Variants in CAMK4 observed in about 807,000 individuals in gnomAD.
CAMK4 encodes calcium/calmodulin dependent protein kinase IV, also known as calcium/calmodulin-dependent protein kinase type IV.
A neutral mutation model predicts 44.9 loss-of-function variants in CAMK4; 22 were observed. The observed-to-expected ratio is 0.49, with a 90% CI of 0.35 to 0.70. The LOEUF is 0.70. CAMK4 is among the 30% of genes least tolerant of loss of function. CAMK4 has a pLI of 0.01. For synonymous variants in CAMK4, 218 were observed against 215.4 expected, an observed-to-expected ratio of 1.01 and a Z score of -0.11; for missense variants, 498 against 586.8, an observed-to-expected ratio of 0.85 and a Z score of 1.56.
chr5:111,399,889 G>A (rs1331871565), intron 5 of CAMK4, among the ~76,000 whole-genome samples: 3 of 152,192 alleles, frequency 2.0e-5, no homozygotes. Flanking sequence ...AATACCTCAT[G>A]TAGCTGACTG....
chr5:111,313,269 A>G (rs942481641), intron 1 of CAMK4, among the ~76,000 whole-genome samples: 3 of 152,086 alleles, frequency 2.0e-5, no homozygotes, highest in African/African-American at 7.2e-5. Context: ...AAATGCTTCT[A>G]CCCCATGGAG....
intron 5 of CAMK4, among the ~76,000 whole-genome samples, chr5:111,395,052 T>TA (rs1049949155): frequency 3.3e-5 from 5 of 150,868 alleles, no homozygotes; most frequent in African/African-American, 9.7e-5. Context: ...CTAATAAAAA[T>TA]AAAAAAATTA....
At chr5:111,430,397 T>C (rs537226144) in intron 5 of CAMK4, among the ~76,000 whole-genome samples, 22 of 152,350 alleles carry the variant, frequency 1.4e-4, no homozygotes, top group Middle Eastern at 3.4e-3. Flanking sequence ...CTCTAAGATC[T>C]GTAACTCAAC....
chr5:111,390,091 G>C (rs1751745287), intron 4 of CAMK4, among the ~76,000 whole-genome samples: 1 of 152,146 alleles, frequency 6.6e-6, no homozygotes, highest in Non-Finnish European at 1.5e-5. Context: ...TCATAGGTTT[G>C]TAAGTAAATA....
rs189216387 is a variant in CAMK4, at chr5:111,301,859, G to A, written c.162-42165G>A. ...TAGTTTTTTTGCATACTTACTCTTC[G>A]GTCATTTATTCTCTCTACAGTTCAC... is the stretch of plus-strand genomic sequence containing the variant. On this transcript the variant is annotated intron_variant, in intron 1 of 10. Coordinates refer to ENST00000282356, the MANE Select transcript of CAMK4 (RefSeq NM_001744.6). Among the ~76,000 whole-genome samples, 14 of 151,984 alleles carry A rather than the reference G, an allele frequency of 9.2e-5. No homozygotes were observed. The East Asian group carries it at 1.2e-3, about 13-fold the overall frequency.
At chr5:111,296,176 T>C (rs759301682) in intron 1 of CAMK4, among the ~76,000 whole-genome samples, 11 of 152,200 alleles carry the variant, frequency 7.2e-5, no homozygotes, top group Non-Finnish European at 8.8e-5. Context: ...ATGGCAAATA[T>C]CAGTGTATGC....
intron 4 of CAMK4, among the ~76,000 whole-genome samples, chr5:111,377,344 T>C (rs1751251670): frequency 6.6e-6 from 1 of 152,064 alleles, no homozygotes. Context: ...ATCCAAAAGC[T>C]CATAAAACTC....
intron 7 of CAMK4, among the ~76,000 whole-genome samples, chr5:111,463,753 C>A (rs1416915385): frequency 1.3e-5 from 2 of 152,188 alleles, no homozygotes; most frequent in African/African-American, 4.8e-5. Context: ...ACAAGCACTG[C>A]AGTTTGCCTT....
At position 111,478,423 on chromosome 5, in the gene CAMK4, G is replaced by T; in HGVS notation, c.744G>T (p.Gln248His). ...FEPFYDERGDQFMFRRILNCE... is the reference protein window; with the variant it reads ...FEPFYDERGDHFMFRRILNCE... ...CATTCTATGATGAAAGAGGCGATCAGTTCATGTTCAGGAGAATTCTGAATT... is the reference window on the plus strand; with the variant it reads ...CATTCTATGATGAAAGAGGCGATCATTTCATGTTCAGGAGAATTCTGAATT... Residue 248 changes from glutamine to histidine, a missense_variant, in exon 9 of 11, where the codon CAG becomes CAT. By Grantham distance (24) the Gln-to-His change is conservative. Coordinates refer to ENST00000282356, the MANE Select transcript of CAMK4 (RefSeq NM_001744.6). 6.3e-7 allele frequency: 1 copy of T among 1,577,954 alleles called. No individual in the cohort carries two copies. Among genetic ancestry groups the T allele is most frequent in the South Asian group, 1.1e-5 (1 of 89,498 alleles).
rs147940594 is a variant in CAMK4 at position 111,431,144 on chromosome 5, T to A, written c.460-15542T>A. ...ACCAAACCAAATTATACTACAGAGC[T>A]ATAGTGACCAAAACAGACACATAGA... is the stretch of plus-strand genomic sequence containing the variant. On this transcript the variant is annotated intron_variant, in intron 5 of 10. Transcript: ENST00000282356. Among the ~76,000 whole-genome samples, 715 of 152,212 alleles carry A rather than the reference T, an allele frequency of 4.7e-3. 5 individuals are homozygous for A. The highest frequency in any genetic ancestry group is 0.016 in the African/African-American group (663 of 41,540).
At chr5:111,386,841 C>T (rs907527097) in intron 4 of CAMK4, among the ~76,000 whole-genome samples, 3 of 152,210 alleles carry the variant, frequency 2.0e-5, no homozygotes, top group African/African-American at 7.2e-5. Flanking sequence ...CTTCCCAGAT[C>T]TCCAGATGTC....
intron 4 of CAMK4, among the ~76,000 whole-genome samples, chr5:111,381,733 G>T (rs1419406471): frequency 6.6e-6 from 1 of 151,992 alleles, no homozygotes; most frequent in African/African-American, 2.4e-5. Context: ...TGTTCAAATA[G>T]ATTTTTTTTA....
intron 9 of CAMK4, among the ~76,000 whole-genome samples, chr5:111,480,249 AACACAC>A (rs532395570): frequency 0.024 from 2,919 of 121,260 alleles, 93 homozygotes; most frequent in African/African-American, 0.076. Context: ...TAGGCATGTA[AACACAC>A]ACACACACAC....
chr5:111,271,139 T>C (rs1750497081), intron 1 of CAMK4, among the ~76,000 whole-genome samples: 1 of 152,078 alleles, frequency 6.6e-6, no homozygotes, highest in Admixed American at 6.6e-5. Flanking sequence ...TTGGGGATAA[T>C]GGGGATTACA....
At chr5:111,228,595 C>A (rs370559339) in intron 1 of CAMK4, among the ~76,000 whole-genome samples, 1 of 150,058 alleles carries the variant, frequency 6.7e-6, no homozygotes, top group African/African-American at 2.5e-5. Context: ...TTATTACCAG[C>A]AATGCACTTT....
intron 1 of CAMK4, among the ~76,000 whole-genome samples, chr5:111,276,182 T>C (rs571907313): frequency 1.3e-5 from 2 of 152,314 alleles, no homozygotes; most frequent in Admixed American, 6.5e-5. Context: ...TTCTCTGTTT[T>C]GTGAACTACT....
intron 1 of CAMK4, among the ~76,000 whole-genome samples, chr5:111,235,585 C>T (rs1054533149): frequency 1.3e-5 from 2 of 152,106 alleles, no homozygotes; most frequent in East Asian, 1.9e-4. Flanking sequence ...AAACTAAGAA[C>T]GTAATAAACA....
At chr5:111,251,344 CT>C in intron 1 of CAMK4, among the ~76,000 whole-genome samples, 1 of 152,266 alleles carries the variant, frequency 6.6e-6, no homozygotes, top group Non-Finnish European at 1.5e-5. Flanking sequence ...TTTTTGAATT[CT>C]TTCTCTGAGG....
intron 1 of CAMK4, among the ~76,000 whole-genome samples, chr5:111,317,275 A>G (rs2112684808): frequency 6.6e-6 from 1 of 152,260 alleles, no homozygotes; most frequent in East Asian, 1.9e-4. Context: ...ATAGTGATTT[A>G]AATTAGTTCA....
Sources: allele counts gnomAD v4.1 joint callset (sites outside exome capture counted in the v4.1 genomes callset), GRCh38; gene constraint gnomAD v4.1.1; transcripts MANE v1.5; gene names NCBI Gene and HGNC (gene_info 2026-07-23, HGNC 2026-07-21).